Variants in SWT1 observed in about 807,000 individuals in gnomAD.
SWT1 encodes transcriptional protein SWT1.
Under a neutral mutation model 107.3 loss-of-function variants are expected in SWT1, and 33 were observed. That is an observed-to-expected ratio of 0.31 (90% confidence interval 0.23 to 0.41). SWT1 has a LOEUF of 0.41. Among genes scored for constraint, SWT1 ranks in the 10% least tolerant of loss-of-function variants. The pLI, the probability that SWT1 is intolerant of heterozygous loss-of-function variation, is 1.00. For synonymous variants in SWT1, 345 were observed against 348.3 expected (o/e 0.99, Z 0.11); for missense variants, 898 against 1,028.9 (o/e 0.87, Z 1.74).
intron 16 of SWT1, among the ~76,000 whole-genome samples, chr1:185,260,178 G>A (rs934714441): frequency 6.6e-6 from 1 of 152,138 alleles, no homozygotes; most frequent in African/African-American, 2.4e-5. Flanking sequence ...AGCCCAAGGG[G>A]CAACTGTGAT....
At chr1:185,278,389 G>A (rs1427409331) in intron 18 of SWT1, among the ~76,000 whole-genome samples, 1 of 152,110 alleles carries the variant, frequency 6.6e-6, no homozygotes, top group Non-Finnish European at 1.5e-5. Context: ...AAATCTGCTG[G>A]TGCTTTGATC....
chr1:185,198,058 T>C (rs982162434), intron 10 of SWT1, among the ~76,000 whole-genome samples: 2 of 152,222 alleles, frequency 1.3e-5, no homozygotes, highest in Admixed American at 6.5e-5. Context: ...CTTTCCTGCT[T>C]TCTCTTGTGT....
At chr1:185,228,674 T>C (rs1660277327) in intron 15 of SWT1, among the ~76,000 whole-genome samples, 1 of 152,194 alleles carries the variant, frequency 6.6e-6, no homozygotes, top group South Asian at 2.1e-4. Flanking sequence ...TGGTAGTATG[T>C]CATTTGATCA....
intron 1 of SWT1, among the ~76,000 whole-genome samples, chr1:185,158,364 C>T (rs1653824026): frequency 1.3e-5 from 2 of 151,592 alleles, no homozygotes; most frequent in African/African-American, 4.9e-5. Flanking sequence ...TTTTACTGAT[C>T]GTCCCGTACA....
chr1:185,208,565 T>G (rs1658513164), intron 13 of SWT1, among the ~76,000 whole-genome samples: 1 of 152,206 alleles, frequency 6.6e-6, no homozygotes, highest in South Asian at 2.1e-4. Flanking sequence ...TACCCTGATT[T>G]AATTGTTACA....
intron 5 of SWT1, among the ~76,000 whole-genome samples, chr1:185,176,137 A>C (rs1655529614): frequency 6.6e-6 from 1 of 151,922 alleles, no homozygotes; most frequent in Admixed American, 6.5e-5. Context: ...AAAACATAAA[A>C]ATTAGCTGGG....
At chr1:185,234,004 A>G (rs1447471754) in intron 16 of SWT1, among the ~76,000 whole-genome samples, 5 of 152,288 alleles carry the variant, frequency 3.3e-5, no homozygotes, top group African/African-American at 1.2e-4. Context: ...TCAGCCTCCC[A>G]AAGTGCTGGG....
Position 185,184,938 on chromosome 1 carries a change from A to G in SWT1, c.1429+7A>G. ...CTTGCATCCCAAAAACATTGTAAGT[A>G]TTGTTCTCTCAGAGTGCCTCCTGAT... On this transcript the variant is annotated splice_region_variant and intron_variant, in intron 9 of 18. Coordinates refer to ENST00000367500, the MANE Select transcript of SWT1 (RefSeq NM_017673.7). 1.4e-6 allele frequency: 2 copies of G among 1,448,872 alleles called. No homozygotes were observed. The highest frequency in any genetic ancestry group is 1.8e-6 in the Non-Finnish European group (2 of 1,098,702). The allele number at this position is 1,448,872 out of a possible 1,614,324, so 89.8% of individuals were successfully genotyped here.
chr1:185,273,897 A>G, intron 17 of SWT1, among the ~76,000 whole-genome samples: 1 of 152,070 alleles, frequency 6.6e-6, no homozygotes, highest in East Asian at 1.9e-4. Context: ...CCAGTGACTC[A>G]GGAGGCTGGA....
At chr1:185,263,923 A>G (rs1441683336) in intron 16 of SWT1, 3 of 152,196 alleles carry the variant, frequency 2.0e-5, no homozygotes, top group Non-Finnish European at 2.9e-5. Flanking sequence ...CAACATATTG[A>G]TATTGGAGGA....
chr1:185,219,650 G>A (rs1359449139), intron 14 of SWT1, among the ~76,000 whole-genome samples: 1 of 151,940 alleles, frequency 6.6e-6, no homozygotes, highest in Non-Finnish European at 1.5e-5. Flanking sequence ...TTAAAATTTT[G>A]TACATTCTGT....
chr1:185,176,545 T>C, intron 5 of SWT1: 3 of 975,258 alleles, frequency 3.1e-6, no homozygotes, highest in Non-Finnish European at 3.7e-6. Flanking sequence ...CTCTATAATT[T>C]TGTTTCTATG....
Position 185,160,887 on chromosome 1 carries a change from A to G in SWT1, c.46A>G (p.Lys16Glu), listed in dbSNP as rs201243236. The G allele has an allele frequency of 6.8e-5, 109 of 1,613,554 alleles. No individual in the cohort carries two copies. The East Asian group carries it at 2.2e-3, about 32-fold the overall frequency. The stretch of plus-strand genomic sequence containing the variant: ...TGGGAAAAAAGAGACATCTCAGAGG[A>G]AAGACACCACCACCTCATCACCCAA... ...SCGKKETSQRKDTTTSSPNFG... is the reference protein window; with the variant it reads ...SCGKKETSQREDTTTSSPNFG... Residue 16 changes from lysine to glutamate, a missense_variant, in exon 2 of 19, where the codon AAA (lysine) becomes GAA (glutamate). Around this residue, in one of 6 missense-constraint regions of SWT1, gnomAD observed 382 missense variants for 362.4 expected, o/e 1.05. Transcript: ENST00000367500.
chr1:185,187,319 C>G (rs773167788), intron 9 of SWT1, among the ~76,000 whole-genome samples: 12 of 151,978 alleles, frequency 7.9e-5, no homozygotes, highest in Non-Finnish European at 1.5e-4. Context: ...CTCAGCCTCC[C>G]TCGGCTTACA....
intron 16 of SWT1, among the ~76,000 whole-genome samples, chr1:185,237,589 C>T (rs918999751): frequency 3.3e-5 from 5 of 152,124 alleles, no homozygotes; most frequent in South Asian, 4.2e-4. Flanking sequence ...AGGAGAAATA[C>T]CTAATGTAGA....
chr1:185,257,093 G>A (rs935224541), intron 16 of SWT1, among the ~76,000 whole-genome samples: 2 of 152,086 alleles, frequency 1.3e-5, no homozygotes, highest in Non-Finnish European at 2.9e-5. Flanking sequence ...TAGGCTGCTC[G>A]GGGGTCAGGT....
In SWT1 at chr1:185,176,574, C is replaced by T. The variant is rs1051758621; in HGVS notation, c.966+1461C>T. 3.1e-6 allele frequency: 3 copies of T among 981,508 alleles called. No individual in the cohort carries two copies. In the African/African-American group the frequency reaches 5.3e-5, roughly 17 times the overall value. The allele number at this position is 981,508 out of a possible 1,614,324, so 60.8% of individuals were successfully genotyped here. On this transcript the variant is annotated intron_variant, in intron 5 of 18. Coordinates refer to ENST00000367500, the MANE Select transcript of SWT1 (RefSeq NM_017673.7). The stretch of plus-strand genomic sequence containing the variant: ...TTCTATGTCAAATAAAGTTACTTAT[C>T]TTCAAGAGAACTTTCAGAACTGTGG...
In SWT1 at chr1:185,214,641, C is replaced by A; in HGVS notation, c.2107C>A (p.Gln703Lys). 2 of 1,608,476 alleles carry A rather than the reference C, an allele frequency of 1.2e-6. No homozygotes were observed. The highest frequency in any genetic ancestry group is 1.7e-6 in the Non-Finnish European group (2 of 1,177,948). ...QTFAQVNNLL[Q>K]TFAEVKTKLK... ...CTTTGCTCAAGTAAACAACCTCCTT[C>A]AGACATTTGCAGAGGTAAGATGCCT... is the stretch of plus-strand genomic sequence containing the variant. Residue 703 changes from glutamine to lysine, a missense_variant, in exon 14 of 19, where the codon CAG becomes AAG. Around this residue, in one of 6 missense-constraint regions of SWT1, gnomAD observed 382 missense variants for 460.0 expected, o/e 0.83. Coordinates refer to ENST00000367500, the MANE Select transcript of SWT1 (RefSeq NM_017673.7).
intron 17 of SWT1, among the ~76,000 whole-genome samples, chr1:185,271,960 A>G (rs1048925994): frequency 6.6e-6 from 1 of 152,166 alleles, no homozygotes; most frequent in African/African-American, 2.4e-5. Flanking sequence ...TGCTGTTGGC[A>G]TATTGGACAG....
Sources: gnomAD v4.1 joint callset for allele counts (sites outside exome capture counted in the v4.1 genomes callset) on GRCh38, gnomAD v4.1.1 for gene constraint, gnomAD v4.1.1 regional missense constraint, MANE v1.5 for transcripts, NCBI Gene and HGNC (gene_info 2026-07-23, HGNC 2026-07-21) for gene names.